The following TIAM2 variants were observed in gnomAD, a reference collection of about 807,000 sequenced individuals.
TIAM2 encodes the protein TIAM Rac1 associated GEF 2.
Under a neutral mutation model 152.9 loss-of-function variants are expected in TIAM2, and 80 were observed. The observed-to-expected ratio is 0.52, with a 90% CI of 0.44 to 0.63. The LOEUF (loss-of-function observed/expected upper bound fraction) is 0.63, where lower values mean the gene tolerates loss of function less well. TIAM2 is among the 30% of genes least tolerant of loss of function. The pLI, the probability that TIAM2 is intolerant of heterozygous loss-of-function variation, is 0.00. For synonymous variants in TIAM2, 804 were observed against 838.0 expected, an observed-to-expected ratio of 0.96 and a Z score of 0.70; for missense variants, 1,965 against 2,120.1, an observed-to-expected ratio of 0.93 and a Z score of 1.44.
chr6:155,117,512 G>A (rs913946796), intron 2 of TIAM2, among the ~76,000 whole-genome samples: 3 of 152,134 alleles, frequency 2.0e-5, no homozygotes, highest in Non-Finnish European at 4.4e-5. Context: ...GCGCCATCTC[G>A]GCTCGCTGCA....
intron 7 of TIAM2, among the ~76,000 whole-genome samples, chr6:155,150,725 C>A (rs1779934966): frequency 6.6e-6 from 1 of 151,528 alleles, no homozygotes; most frequent in African/African-American, 2.4e-5. Flanking sequence ...GATTCAGTGT[C>A]TGGTGAGGCC....
At chr6:155,036,170 AAAGG>A (rs1776917899) in intron 1 of TIAM2, among the ~76,000 whole-genome samples, 1 of 152,154 alleles carries the variant, frequency 6.6e-6, no homozygotes, top group Non-Finnish European at 1.5e-5. Context: ...TCGCATGAAT[AAAGG>A]AAGGGAGGAG....
intron 6 of TIAM2, among the ~76,000 whole-genome samples, chr6:155,145,861 C>A (rs1779809071): frequency 6.6e-6 from 1 of 152,176 alleles, no homozygotes; most frequent in South Asian, 2.1e-4. Flanking sequence ...CATTCCCAAC[C>A]TGACTTAACT....
In TIAM2 at chr6:155,165,400, T is replaced by C. The variant is rs1177441286; in HGVS notation, c.2352T>C (p.Ser784=). ...LARKGKEKRP[S]ITQVDELLHI... ...GAAAAGGCAAGGAGAAGAGACCTTC[T>C]ATAACTCAGGTGAGCTTTTCAGCAT... The change falls in exon 9 of 27, where the codon TCT becomes TCC. Residue 784 remains serine, a synonymous_variant. Transcript: ENST00000682666. 6.2e-7 allele frequency: 1 copy of C among 1,611,716 alleles called. No individual in the cohort carries two copies. The highest frequency in any genetic ancestry group is 8.5e-7 in the Non-Finnish European group (1 of 1,179,350).
intron 15 of TIAM2, among the ~76,000 whole-genome samples, chr6:155,233,875 GT>G (rs1370627855): frequency 6.6e-6 from 1 of 151,876 alleles, no homozygotes; most frequent in African/African-American, 2.4e-5. Context: ...AGGTGGGAGG[GT>G]TGCTTAATTT....
At chr6:155,201,933 T>C (rs1233560213) in intron 14 of TIAM2, among the ~76,000 whole-genome samples, 1 of 152,264 alleles carries the variant, frequency 6.6e-6, no homozygotes, top group Non-Finnish European at 1.5e-5. Context: ...TTATGAATCT[T>C]TCTAGCACAG....
chr6:155,169,632 C>T (rs1222843228), intron 9 of TIAM2, among the ~76,000 whole-genome samples: 1 of 152,154 alleles, frequency 6.6e-6, no homozygotes, highest in Non-Finnish European at 1.5e-5. Context: ...TCTCCAGGCG[C>T]CGTCAAGGGG....
At position 155,087,410 on chromosome 6, in the gene TIAM2, G is replaced by A; in HGVS notation, c.-208-2879G>A. Reference sequence around the variant, plus strand: ...ATTGTCAGTATGATGTATTTAGACAGAGCCTAGTGAAGCTTGATTCAGTAT... The same window carrying A: ...ATTGTCAGTATGATGTATTTAGACAAAGCCTAGTGAAGCTTGATTCAGTAT... On this transcript the variant is annotated intron_variant, in intron 1 of 26. Coordinates refer to ENST00000682666, the MANE Select transcript of TIAM2 (RefSeq NM_012454.4). Among the ~76,000 whole-genome samples the A allele has an allele frequency of 1.3e-5, 2 of 152,212 alleles. 1 individual carries two copies. The highest frequency in any genetic ancestry group is 2.9e-5 in the Non-Finnish European group (2 of 68,040).
chr6:155,111,215 A>G lies in TIAM2; in HGVS notation c.-117-16275A>G, dbSNP rs533501575. Among the ~76,000 whole-genome samples, 3 of 152,234 alleles carry G rather than the reference A, an allele frequency of 2.0e-5. No individual in the cohort carries two copies. The East Asian group carries it at 5.8e-4, about 29-fold the overall frequency. ...GAAAGGAAGCTTTATACACAGACAC[A>G]GTAGTGAACCGAGGAAACTCATGAC... On this transcript the variant is annotated intron_variant, in intron 2 of 26. Transcript: ENST00000682666.
chr6:155,131,960 AAATAT>A (rs1779459720), intron 4 of TIAM2, among the ~76,000 whole-genome samples: 1 of 152,024 alleles, frequency 6.6e-6, no homozygotes, highest in South Asian at 2.1e-4. Flanking sequence ...TGTAATAGAA[AAATAT>A]ATATACTGAT....
intron 1 of TIAM2, among the ~76,000 whole-genome samples, chr6:155,016,068 G>A (rs1477207630): frequency 6.6e-6 from 1 of 151,464 alleles, no homozygotes; most frequent in African/African-American, 2.4e-5. Context: ...ATCTTCAAGC[G>A]TTGCTGGTGG....
At chr6:155,149,250 T>C (rs1442004716) in intron 7 of TIAM2, 1 of 166,974 alleles carries the variant, frequency 6.0e-6, no homozygotes, top group African/African-American at 2.4e-5. Context: ...AGGGGATCTG[T>C]GTGTGAGCTG....
chr6:155,033,821 A>G lies in TIAM2; in HGVS notation c.-209+38329A>G, dbSNP rs542906244. Among the ~76,000 whole-genome samples the G allele has an allele frequency of 3.3e-5, 5 of 151,806 alleles. No homozygotes were observed. The East Asian group carries it at 7.8e-4, about 24-fold the overall frequency. On this transcript the variant is annotated intron_variant, in intron 1 of 26. Transcript: ENST00000682666. The stretch of plus-strand genomic sequence containing the variant: ...AACCTCCCCCTCCCGGGTTCAAGCA[A>G]TTCTCCTGCCTTAGCCTTCTGAGTA...
chr6:155,096,868 C>T (rs1778427648), intron 2 of TIAM2, among the ~76,000 whole-genome samples: 1 of 152,204 alleles, frequency 6.6e-6, no homozygotes, highest in African/African-American at 2.4e-5. Context: ...TCTATACCCA[C>T]TAGTGGGATT....
chr6:155,153,621 C>CTTT (rs35672714), intron 7 of TIAM2, among the ~76,000 whole-genome samples: 2,243 of 105,256 alleles, frequency 0.021, 157 homozygotes, highest in East Asian at 0.038. Flanking sequence ...GCTGTTTACG[C>CTTT]TTTTTTTTTT....
At chr6:154,997,863 C>T (rs1778245653) in intron 1 of TIAM2, among the ~76,000 whole-genome samples, 1 of 151,918 alleles carries the variant, frequency 6.6e-6, no homozygotes, top group Non-Finnish European at 1.5e-5. Context: ...GTCTCAAACA[C>T]CTGAGCTCAA....
intron 2 of TIAM2, among the ~76,000 whole-genome samples, chr6:155,126,884 G>A (rs918478641): frequency 6.0e-5 from 9 of 150,528 alleles, no homozygotes; most frequent in African/African-American, 2.2e-4. Context: ...CTGTGGCTTC[G>A]TGTCCAGCAG....
At chr6:155,235,663 C>G (rs56238103) in intron 15 of TIAM2, among the ~76,000 whole-genome samples, 2 of 152,086 alleles carry the variant, frequency 1.3e-5, no homozygotes. Flanking sequence ...CACCAACTCC[C>G]TTAGACAACA....
At chr6:155,170,237 A>C (rs1780552662) in intron 9 of TIAM2, among the ~76,000 whole-genome samples, 1 of 113,530 alleles carries the variant, frequency 8.8e-6, no homozygotes, top group Admixed American at 8.1e-5. Context: ...TATTAGATGT[A>C]GTCATTTAAT....
Sources: allele counts gnomAD v4.1 joint callset (sites outside exome capture counted in the v4.1 genomes callset), GRCh38; gene constraint gnomAD v4.1.1; transcripts MANE v1.5; gene names NCBI Gene and HGNC (gene_info 2026-07-23, HGNC 2026-07-21).